The following PRUNE2 variants were observed in gnomAD, a reference collection of about 807,000 sequenced individuals.
The protein encoded by PRUNE2 is prune homolog 2 with BCH domain.
Under a neutral mutation model 252.0 loss-of-function variants are expected in PRUNE2, and 164 were observed. The observed-to-expected ratio is 0.65, with a 90% CI of 0.57 to 0.74. The LOEUF (loss-of-function observed/expected upper bound fraction) is 0.74, where lower values mean the gene tolerates loss of function less well. PRUNE2 is among the 30% of genes least tolerant of loss of function. The pLI is 0.00. For missense variants in PRUNE2, 3,495 were observed against 3,711.0 expected (o/e 0.94, Z 1.51); for synonymous variants, 1,292 against 1,350.2 (o/e 0.96, Z 0.94).
chr9:76,846,854 A>G (rs1028057804), intron 3 of PRUNE2, among the ~76,000 whole-genome samples, 176 bp from the exon 4 acceptor site: 2 of 152,222 alleles, frequency 1.3e-5, no homozygotes, highest in African/African-American at 4.8e-5. Context: ...ACATTTCATT[A>G]AAACTATTTA....
chr9:76,627,935 C>A (rs1835657590), intron 16 of PRUNE2: 2 of 295,460 alleles, frequency 6.8e-6, no homozygotes, highest in South Asian at 2.7e-5. Flanking sequence ...AGAATTCTTT[C>A]CTTCCAGTTT....
chr9:76,845,379 T>G (rs2059619002), intron 4 of PRUNE2, among the ~76,000 whole-genome samples: 1 of 152,252 alleles, frequency 6.6e-6, no homozygotes, highest in Non-Finnish European at 1.5e-5. Context: ...TTTGTGCTGT[T>G]GAACAACTTT....
chr9:76,617,461 G>A (rs1219706168), intron 18 of PRUNE2, among the ~76,000 whole-genome samples: 2 of 151,702 alleles, frequency 1.3e-5, no homozygotes, highest in Non-Finnish European at 2.9e-5. Flanking sequence ...AGAAGTAAAT[G>A]CAGCCCTTAT....
intron 1 of PRUNE2, chr9:76,857,158 T>C (rs1222927039): frequency 6.6e-6 from 3 of 455,766 alleles, no homozygotes; most frequent in South Asian, 1.5e-5. Context: ...CATTTACCCA[T>C]ATTTGCCATC....
rs374764527 is a variant in PRUNE2, at chr9:76,846,601, C to A, written c.422G>T (p.Arg141Leu). The change falls in exon 4 of 19, where the codon CGA becomes CTA. Residue 141 changes from arginine (R) to leucine (L), a missense_variant. Coordinates refer to ENST00000376718, the MANE Select transcript of PRUNE2 (RefSeq NM_015225.3). ...TAGCACGAGAGAAGAGGAAGACTCT[C>A]GGAACTCAACGTTGGCATCGCTCTG... ...VEQSDANVEF[R>L]ESSSSLVLKE... 1 of 1,614,002 alleles carries A rather than the reference C, an allele frequency of 6.2e-7. No homozygotes were observed. The highest frequency in any genetic ancestry group is 2.2e-5 in the East Asian group (1 of 44,882).
In PRUNE2 at chr9:76,850,447, T is replaced by C; in HGVS notation, c.344+16A>G. 2 of 1,604,854 alleles carry C rather than the reference T, an allele frequency of 1.2e-6. No homozygotes were observed. Among genetic ancestry groups the C allele is most frequent in the Non-Finnish European group, 1.7e-6 (2 of 1,171,578 alleles). On this transcript the variant is annotated intron_variant, in intron 3 of 18. Coordinates refer to ENST00000376718, the MANE Select transcript of PRUNE2 (RefSeq NM_015225.3). ...CATTGAGGGATTAAACCTCAGAGCT[T>C]CACAGTGGATCTTACCTCGCCAGCA...
At chr9:76,859,860 GC>G (rs1363087458) in intron 1 of PRUNE2, among the ~76,000 whole-genome samples, 4 of 152,230 alleles carry the variant, frequency 2.6e-5, no homozygotes, top group African/African-American at 9.6e-5. Context: ...CCGCCACCAT[GC>G]CCAGCTAATT....
Position 76,644,839 on chromosome 9 carries a change from C to T in PRUNE2, c.8628G>A (p.Arg2876=). The T allele has an allele frequency of 6.2e-7, 1 of 1,613,924 alleles. No individual in the cohort carries two copies. Among genetic ancestry groups the T allele is most frequent in the East Asian group, 2.2e-5 (1 of 44,874 alleles). Residue 2876 remains arginine, a synonymous_variant, in exon 12 of 19, where the codon CGG becomes CGA. Coordinates refer to ENST00000376718, the MANE Select transcript of PRUNE2 (RefSeq NM_015225.3). ...CTGTCCTCCAAAGCCGGTTGTCCTC[C>T]CGTTCCTCTTCGGCCGTATATTCTG... ...SIPEYTAEEE[R]EDNRLWRTVV...
chr9:76,704,416 G>T (rs1213916009), intron 8 of PRUNE2, among the ~76,000 whole-genome samples: 1 of 152,006 alleles, frequency 6.6e-6, no homozygotes, highest in Non-Finnish European at 1.5e-5. Context: ...GTAGACATGG[G>T]GTTTCACCAT....
intron 1 of PRUNE2, among the ~76,000 whole-genome samples, chr9:76,869,647 C>A (rs2061070774): frequency 6.6e-6 from 1 of 152,106 alleles, no homozygotes; most frequent in Non-Finnish European, 1.5e-5. Context: ...TATATAAATT[C>A]CATATTATTT....
Position 76,835,557 on chromosome 9 carries a change from C to A in PRUNE2, c.509-8825G>T, listed in dbSNP as rs376936490. On this transcript the variant is annotated intron_variant, in intron 4 of 18. Transcript: ENST00000376718. ...TTTGTGTGACAGAAGAAATAGTGAA[C>A]ACTCTGAGGTTGAGGAATCATTTTG... Among the ~76,000 whole-genome samples the A allele has an allele frequency of 2.9e-4, 44 of 152,224 alleles. No individual in the cohort carries two copies. In the East Asian group the frequency reaches 6.0e-3, roughly 21 times the overall value.
chr9:76,829,878 G>GCCAT (rs2132080476), intron 4 of PRUNE2, among the ~76,000 whole-genome samples: 1 of 151,816 alleles, frequency 6.6e-6, no homozygotes, highest in African/African-American at 2.4e-5. Flanking sequence ...ACACTATTCA[G>GCCAT]CCATCCATAA....
chr9:76,905,192 G>A (rs2063410390), intron 1 of PRUNE2, among the ~76,000 whole-genome samples: 1 of 152,164 alleles, frequency 6.6e-6, no homozygotes, highest in Non-Finnish European at 1.5e-5. Flanking sequence ...GCTAGAGTCT[G>A]TTGTTTCAGA....
chr9:76,827,398 T>C (rs2058406368), intron 4 of PRUNE2, among the ~76,000 whole-genome samples: 1 of 152,216 alleles, frequency 6.6e-6, no homozygotes, highest in African/African-American at 2.4e-5. Context: ...CACAAACTCC[T>C]GTGACTTCTG....
At chr9:76,615,348 C>T (rs1323469028) in intron 18 of PRUNE2, 2 of 550,436 alleles carry the variant, frequency 3.6e-6, no homozygotes, top group Admixed American at 6.3e-5. Context: ...TGGCACGTAT[C>T]TGTGGATTTT....
intron 9 of PRUNE2, among the ~76,000 whole-genome samples, chr9:76,666,370 A>C (rs1328356255): frequency 6.6e-6 from 1 of 152,186 alleles, no homozygotes; most frequent in African/African-American, 2.4e-5. Context: ...CGGAGGCCTA[A>C]CCATCTCCCT....
chr9:76,818,163 C>T (rs2057809762), intron 6 of PRUNE2, among the ~76,000 whole-genome samples: 1 of 152,132 alleles, frequency 6.6e-6, no homozygotes, highest in Non-Finnish European at 1.5e-5. Flanking sequence ...AAACGCTATG[C>T]ACTCTTTCAC....
chr9:76,879,501 T>C (rs1042694378), intron 1 of PRUNE2, among the ~76,000 whole-genome samples: 1 of 152,184 alleles, frequency 6.6e-6, no homozygotes, highest in African/African-American at 2.4e-5. Flanking sequence ...TCTGCTTTTA[T>C]GTAGCTTATA....
Position 76,709,321 on chromosome 9 carries a change from T to C in PRUNE2, c.2953A>G (p.Thr985Ala). ...TCTTTAGCAAATGGCTTGTGTTCAG[T>C]TTCCTTTTCGTCTCCAGCAAATGTT... ...SPTFAGDEKE[T>A]EHKPFAKEEG... Residue 985 changes from threonine (T) to alanine (A), a missense_variant, in exon 8 of 19, where the codon ACT (threonine) becomes GCT (alanine). Thr to Ala is a moderately conservative substitution (Grantham distance 58, BLOSUM62 0). Coordinates refer to ENST00000376718, the MANE Select transcript of PRUNE2 (RefSeq NM_015225.3). 1 of 1,614,018 alleles carries C rather than the reference T, an allele frequency of 6.2e-7. No individual in the cohort carries two copies. Among genetic ancestry groups the C allele is most frequent in the Non-Finnish European group, 8.5e-7 (1 of 1,179,888 alleles).
Sources: allele counts gnomAD v4.1 joint callset (sites outside exome capture counted in the v4.1 genomes callset), GRCh38; gene constraint gnomAD v4.1.1; transcripts MANE v1.5; gene names NCBI Gene and HGNC (gene_info 2026-07-23, HGNC 2026-07-21).